Variants in CADPS observed in about 807,000 individuals in gnomAD.
CADPS encodes the protein calcium dependent secretion activator.
A neutral mutation model predicts 167.3 loss-of-function variants in CADPS; 57 were observed. The observed-to-expected ratio is 0.34, with a 90% CI of 0.28 to 0.42. The LOEUF (loss-of-function observed/expected upper bound fraction) is 0.42. Among genes scored for constraint, CADPS ranks in the 20% least tolerant of loss-of-function variants. The pLI is 1.00. For synonymous variants in CADPS, 676 were observed against 635.3 expected, an observed-to-expected ratio of 1.06 and a Z score of -0.96; for missense variants, 1,414 against 1,738.1, an observed-to-expected ratio of 0.81 and a Z score of 3.32.
chr3:62,773,056 A>G (rs1190271993), intron 1 of CADPS, among the ~76,000 whole-genome samples: 2 of 130,072 alleles, frequency 1.5e-5, no homozygotes, highest in African/African-American at 5.1e-5. Context: ...AGATAACTGG[A>G]AAAAAAGTCA....
rs1353439429 is a variant in CADPS, at chr3:62,725,950, C to G, written c.888+27491G>C. 1.1e-4 allele frequency among the ~76,000 whole-genome samples: 17 copies of G among 151,766 alleles called. 1 individual carries two copies. The highest frequency in any genetic ancestry group is 3.9e-4 in the African/African-American group (16 of 41,106). On this transcript the variant is annotated intron_variant, in intron 3 of 29. Coordinates refer to ENST00000383710, the MANE Select transcript of CADPS (RefSeq NM_003716.4). ...AAGCAGTTTGCCCAAGGTCACATTG[C>G]TAGAACCTGCCAGAGTCTGGCTTTG...
intron 1 of CADPS, among the ~76,000 whole-genome samples, chr3:62,809,949 A>C (rs556908017): frequency 6.6e-6 from 1 of 152,300 alleles, no homozygotes; most frequent in South Asian, 2.1e-4. Context: ...AATTGCCACA[A>C]TATAGCCATA....
At chr3:62,424,886 C>A (rs1440059346) in intron 28 of CADPS, among the ~76,000 whole-genome samples, 4 of 152,154 alleles carry the variant, frequency 2.6e-5, no homozygotes, top group African/African-American at 9.7e-5. Context: ...ACTATCAGGG[C>A]TAGGAAGTCA....
At chr3:62,760,162 A>C (rs576151040) in intron 2 of CADPS, among the ~76,000 whole-genome samples, 1 of 152,132 alleles carries the variant, frequency 6.6e-6, no homozygotes, top group Non-Finnish European at 1.5e-5. Context: ...TCTATGCAGC[A>C]TATGGACACC....
intron 1 of CADPS, among the ~76,000 whole-genome samples, chr3:62,842,839 AATC>A (rs1232037326): frequency 1.3e-5 from 2 of 152,178 alleles, no homozygotes; most frequent in Non-Finnish European, 2.9e-5. Flanking sequence ...AAAGTTTTAT[AATC>A]ATTTTCATGA....
At chr3:62,769,610 C>A (rs1006948967) in intron 1 of CADPS, among the ~76,000 whole-genome samples, 1 of 152,150 alleles carries the variant, frequency 6.6e-6, no homozygotes. Context: ...ATGTACACAT[C>A]TTTAAATTTA....
At chr3:62,404,927 G>A (rs1041433917) in intron 28 of CADPS, 1 of 151,882 alleles carries the variant, frequency 6.6e-6, no homozygotes, top group South Asian at 2.1e-4. Context: ...ATGGTTGTTG[G>A]GGGGTGTTTT....
rs1157369955 is a variant in CADPS at position 62,499,238 on chromosome 3, T to C, written c.2630A>G (p.Lys877Arg). The C allele has an allele frequency of 6.2e-7, 1 of 1,613,756 alleles. No homozygotes were observed. The highest frequency in any genetic ancestry group is 1.7e-5 in the Admixed American group (1 of 60,014). ...AAGACGTATTGTATCTTCAAGCTTT[T>C]TGGCAGGAGTGATTAACCGGCCTAC... ...ENVGRLITPA[K>R]KLEDTIRLAE... Residue 877 changes from lysine (K) to arginine (R), a missense_variant, in exon 18 of 30, where the codon AAA becomes AGA. By Grantham distance (26) the Lys-to-Arg change is conservative (BLOSUM62 2). Transcript: ENST00000383710.
chr3:62,858,450 G>T (rs537433315), intron 1 of CADPS, among the ~76,000 whole-genome samples: 149 of 152,232 alleles, frequency 9.8e-4, no homozygotes, highest in Non-Finnish European at 1.9e-3. Flanking sequence ...GGGCACCTGT[G>T]AGCCAGCTGT....
At chr3:62,747,442 G>C (rs886580733) in intron 3 of CADPS, among the ~76,000 whole-genome samples, 2 of 152,150 alleles carry the variant, frequency 1.3e-5, no homozygotes, top group Admixed American at 6.5e-5. Context: ...CCAGCAATCT[G>C]GGTCACAGCT....
At chr3:62,402,071 ATACACTGCTGTC>A (rs1273640507) in intron 29 of CADPS, among the ~76,000 whole-genome samples, 2 of 152,206 alleles carry the variant, frequency 1.3e-5, no homozygotes, top group African/African-American at 4.8e-5. Context: ...AAGAGCTGTA[ATACACTGCTGTC>A]TATAACCTTT....
chr3:62,547,506 T>C (rs1380546755), intron 11 of CADPS, among the ~76,000 whole-genome samples: 2 of 145,428 alleles, frequency 1.4e-5, no homozygotes, highest in Admixed American at 7.1e-5. Context: ...TACTGATAAA[T>C]CCCAATGGCA....
intron 13 of CADPS, among the ~76,000 whole-genome samples, chr3:62,526,908 C>G (rs753663978): frequency 3.9e-5 from 6 of 152,120 alleles, no homozygotes; most frequent in Non-Finnish European, 8.8e-5. Flanking sequence ...CATTTTTACC[C>G]TCTCCAAGTG....
chr3:62,409,935 T>C (rs1020026743), intron 28 of CADPS, among the ~76,000 whole-genome samples: 30 of 152,132 alleles, frequency 2.0e-4, no homozygotes, highest in African/African-American at 6.5e-4. Flanking sequence ...CCAGTGAAAA[T>C]AGTCTAATCC....
At position 62,510,489 on chromosome 3, in the gene CADPS, A is replaced by T. The variant is rs116905550; in HGVS notation, c.2599+2262T>A. Reference sequence around the variant, plus strand: ...TTTACATGGAAATGTATTTAAAATAATAGAATTCATTTGCAGGAGTCACAG... The same window carrying T: ...TTTACATGGAAATGTATTTAAAATATTAGAATTCATTTGCAGGAGTCACAG... On this transcript the variant is annotated intron_variant, in intron 17 of 29. Coordinates refer to ENST00000383710, the MANE Select transcript of CADPS (RefSeq NM_003716.4). Among the ~76,000 whole-genome samples, 14 of 152,314 alleles carry T rather than the reference A, an allele frequency of 9.2e-5. No homozygotes were observed. In the East Asian group the frequency reaches 2.7e-3, roughly 29 times the overall value.
At chr3:62,474,425 C>A in intron 23 of CADPS, 105 bp from the exon 24 acceptor site, 1 of 1,008,206 alleles carries the variant, frequency 9.9e-7, no homozygotes, top group South Asian at 1.5e-5. Context: ...AGGCTGTAAT[C>A]AGTTTCAGTC....
At chr3:62,520,595 A>G (rs2070272181) in intron 13 of CADPS, among the ~76,000 whole-genome samples, 1 of 152,006 alleles carries the variant, frequency 6.6e-6, no homozygotes, top group South Asian at 2.1e-4. Context: ...AAATAAAACA[A>G]ACTAACTTTA....
At chr3:62,594,427 C>T (rs1181300357) in intron 6 of CADPS, among the ~76,000 whole-genome samples, 1 of 152,170 alleles carries the variant, frequency 6.6e-6, no homozygotes, top group Non-Finnish European at 1.5e-5. Flanking sequence ...TCCCAAAGTG[C>T]TGGGATTACA....
intron 22 of CADPS, among the ~76,000 whole-genome samples, chr3:62,480,419 T>C (rs2061854012): frequency 6.6e-6 from 1 of 152,250 alleles, no homozygotes; most frequent in Non-Finnish European, 1.5e-5. Context: ...AGAAGCTTTT[T>C]TTCAGATATA....
Sources: allele counts gnomAD v4.1 joint callset (sites outside exome capture counted in the v4.1 genomes callset), GRCh38; gene constraint gnomAD v4.1.1; transcripts MANE v1.5; gene names NCBI Gene and HGNC (gene_info 2026-07-23, HGNC 2026-07-21).